NAALADL2: variants seen among roughly 807,000 people sequenced by gnomAD.
The protein encoded by NAALADL2 is N-acetylated alpha-linked acidic dipeptidase like 2.
A neutral mutation model predicts 87.2 loss-of-function variants in NAALADL2; 76 were observed. The ratio of observed to expected loss-of-function variants is 0.87; its 90% confidence interval spans 0.72 to 1.05. The LOEUF (loss-of-function observed/expected upper bound fraction) is 1.05. Among genes scored for constraint, NAALADL2 ranks in the 50% least tolerant of loss-of-function variants. The pLI, the probability that NAALADL2 is intolerant of heterozygous loss-of-function variation, is 0.00. For missense variants in NAALADL2, 1,089 were observed against 945.8 expected, an observed-to-expected ratio of 1.15 and a Z score of -1.99; for synonymous variants, 354 against 331.0, an observed-to-expected ratio of 1.07 and a Z score of -0.75.
intron 1 of NAALADL2, among the ~76,000 whole-genome samples, chr3:175,087,639 G>A (rs1225375740): frequency 6.6e-6 from 1 of 152,078 alleles, no homozygotes; most frequent in Non-Finnish European, 1.5e-5. Context: ...AACATGTGCT[G>A]TGTCCACTCA....
chr3:175,071,623 G>A (rs11922376), intron 1 of NAALADL2, among the ~76,000 whole-genome samples: 16,968 of 151,840 alleles, frequency 0.11, 1,079 homozygotes, highest in East Asian at 0.21. Context: ...ATTGTGTACC[G>A]TCCCCAATTA....
chr3:175,046,939 G>A (rs1349850349), intron 1 of NAALADL2, among the ~76,000 whole-genome samples: 1 of 152,114 alleles, frequency 6.6e-6, no homozygotes, highest in Non-Finnish European at 1.5e-5. Context: ...AGTTCTGAAG[G>A]CTGAGAAATC....
chr3:174,632,266 A>G (rs1288235608), intron 2 of NAALADL2, among the ~76,000 whole-genome samples: 1 of 152,190 alleles, frequency 6.6e-6, no homozygotes, highest in Non-Finnish European at 1.5e-5. Context: ...CAATAAACCA[A>G]CATTTTTGGG....
At chr3:175,194,836 C>T (rs953680933) in intron 2 of NAALADL2, among the ~76,000 whole-genome samples, 41 of 151,618 alleles carry the variant, frequency 2.7e-4, no homozygotes, top group African/African-American at 9.7e-4. Context: ...AGTTATAATA[C>T]TAAGAGTATC....
chr3:175,594,670 G>T (rs765947099), intron 10 of NAALADL2, among the ~76,000 whole-genome samples: 7 of 151,982 alleles, frequency 4.6e-5, no homozygotes, highest in Admixed American at 6.6e-5. Context: ...AACATTTGTT[G>T]TTTTTGCCTT....
intron 2 of NAALADL2, among the ~76,000 whole-genome samples, chr3:174,688,204 GA>G (rs1728225170): frequency 6.6e-6 from 1 of 151,994 alleles, no homozygotes. Flanking sequence ...TGTTGTCTTG[GA>G]TAAACCATTT....
At chr3:175,053,731 G>A (rs949571216) in intron 1 of NAALADL2, among the ~76,000 whole-genome samples, 2 of 152,164 alleles carry the variant, frequency 1.3e-5, no homozygotes, top group Non-Finnish European at 2.9e-5. Flanking sequence ...TCCAATCCTC[G>A]AGGATTAACT....
chr3:174,860,517 G>T (rs1211871956), intron 1 of NAALADL2, among the ~76,000 whole-genome samples: 1 of 152,020 alleles, frequency 6.6e-6, no homozygotes, highest in Non-Finnish European at 1.5e-5. Context: ...TTATGTACAA[G>T]ATTATAACAT....
chr3:175,353,288 CTT>C (rs1763986428), intron 5 of NAALADL2, among the ~76,000 whole-genome samples: 1 of 152,036 alleles, frequency 6.6e-6, no homozygotes. Flanking sequence ...CGGAGGATCT[CTT>C]GAGCCCAGGA....
chr3:175,165,005 A>G (rs1733777469), intron 2 of NAALADL2, among the ~76,000 whole-genome samples: 2 of 152,162 alleles, frequency 1.3e-5, no homozygotes, highest in African/African-American at 2.4e-5. Flanking sequence ...GCAGGTATCT[A>G]CTGCACACCG....
At chr3:175,775,221 G>T (rs1376257380) in intron 13 of NAALADL2, 1 of 151,860 alleles carries the variant, frequency 6.6e-6, no homozygotes, top group Non-Finnish European at 1.5e-5. Context: ...AAATATGGGA[G>T]TCCATAGGAG....
chr3:175,452,237 C>T (rs1250314044), intron 6 of NAALADL2, among the ~76,000 whole-genome samples: 1 of 152,114 alleles, frequency 6.6e-6, no homozygotes, highest in Non-Finnish European at 1.5e-5. Context: ...GATTCTCTCT[C>T]TCTCTCTCTC....
At chr3:175,133,259 C>G (rs1290607116) in intron 2 of NAALADL2, among the ~76,000 whole-genome samples, 1 of 152,018 alleles carries the variant, frequency 6.6e-6, no homozygotes, top group Middle Eastern at 3.2e-3. Context: ...GGCAGAGGGG[C>G]TCCTCACATC....
At chr3:174,993,180 T>C (rs1268945702) in intron 1 of NAALADL2, among the ~76,000 whole-genome samples, 1 of 152,074 alleles carries the variant, frequency 6.6e-6, no homozygotes, top group Non-Finnish European at 1.5e-5. Context: ...TGAGAATTCC[T>C]ATGAAATGGA....
At chr3:174,829,956 TG>T (rs1221325615) in intron 3 of NAALADL2, among the ~76,000 whole-genome samples, 3 of 133,504 alleles carry the variant, frequency 2.2e-5, no homozygotes, top group Non-Finnish European at 4.9e-5. Context: ...CACTTTTTGA[TG>T]GGGTTGTTTG....
At chr3:175,230,776 A>G (rs943936871) in intron 2 of NAALADL2, among the ~76,000 whole-genome samples, 3 of 152,126 alleles carry the variant, frequency 2.0e-5, no homozygotes, top group African/African-American at 7.2e-5. Flanking sequence ...GACAATACCA[A>G]CTATTGGCGA....
At chr3:174,644,703 G>A (rs1331136780) in intron 2 of NAALADL2, among the ~76,000 whole-genome samples, 1 of 152,102 alleles carries the variant, frequency 6.6e-6, no homozygotes, top group Non-Finnish European at 1.5e-5. Flanking sequence ...TGATGTTTTT[G>A]TCTTATGAGT....
intron 1 of NAALADL2, among the ~76,000 whole-genome samples, chr3:174,882,644 TGCATATACAC>T (rs1560318791): frequency 1.4e-5 from 2 of 139,036 alleles, no homozygotes; most frequent in African/African-American, 6.2e-5. Flanking sequence ...TACACATATG[TGCATATACAC>T]ATATGTGCAT....
intron 2 of NAALADL2, among the ~76,000 whole-genome samples, chr3:174,615,877 A>T (rs1252870278): frequency 6.6e-6 from 1 of 152,086 alleles, no homozygotes; most frequent in East Asian, 1.9e-4. Flanking sequence ...TTATTTTATT[A>T]ATTCAGGTTG....
Sources: gnomAD v4.1 joint callset for allele counts (sites outside exome capture counted in the v4.1 genomes callset) on GRCh38, gnomAD v4.1.1 for gene constraint, MANE v1.5 for transcripts, NCBI Gene and HGNC (gene_info 2026-07-23, HGNC 2026-07-21) for gene names.